The following GPC5 variants were observed in gnomAD, a reference collection of about 807,000 sequenced individuals.
The protein encoded by GPC5 is glypican 5.
GPC5 carries 47 observed loss-of-function variants against 53.9 expected under a neutral mutation model. The observed-to-expected ratio is 0.87, with a 90% CI of 0.69 to 1.11. The LOEUF is 1.11. Ranked by LOEUF, GPC5 falls within the 50% of genes most tolerant of loss-of-function variation. The pLI, the probability that GPC5 is intolerant of heterozygous loss-of-function variation, is 0.00. For missense variants in GPC5, 748 were observed against 713.1 expected (o/e 1.05, Z -0.56); for synonymous variants, 286 against 263.3 (o/e 1.09, Z -0.84).
chr13:92,725,495 T>C (rs1321810920), intron 7 of GPC5, among the ~76,000 whole-genome samples: 2 of 151,580 alleles, frequency 1.3e-5, no homozygotes, highest in Non-Finnish European at 3.0e-5. Flanking sequence ...AATCAGTTTA[T>C]GAGTATGTAA....
At chr13:92,667,044 A>G (rs1886596402) in intron 7 of GPC5, among the ~76,000 whole-genome samples, 1 of 152,186 alleles carries the variant, frequency 6.6e-6, no homozygotes, top group Non-Finnish European at 1.5e-5. Flanking sequence ...TCAATAGATG[A>G]GGGTATACAT....
At chr13:92,598,531 C>A (rs1410306264) in intron 7 of GPC5, among the ~76,000 whole-genome samples, 2 of 152,092 alleles carry the variant, frequency 1.3e-5, no homozygotes, top group South Asian at 4.2e-4. Flanking sequence ...CTTATTTAAC[C>A]CTTTTTATTC....
At chr13:91,717,765 C>T (rs2036372112) in intron 3 of GPC5, among the ~76,000 whole-genome samples, 1 of 151,868 alleles carries the variant, frequency 6.6e-6, no homozygotes. Flanking sequence ...CCATATTGGC[C>T]AGGCTGGTCT....
In GPC5 at chr13:92,024,143, ATTTCAGAAAGAGGGCTATGC is replaced by A. The variant is rs1241436406; in HGVS notation, c.1401+116091_1401+116110del. On this transcript the variant is annotated intron_variant, in intron 6 of 7. Transcript: ENST00000377067. ...TAATATATTAATGAATCAATATTTA[ATTTCAGAAAGAGGGCTATGC>A]TTTCTTCTTTGATTTGGTTGCACAG... Among the ~76,000 whole-genome samples the A allele has an allele frequency of 8.5e-5, 13 of 152,270 alleles. No homozygotes were observed. In the South Asian group the frequency reaches 2.7e-3, roughly 32 times the overall value.
intron 1 of GPC5, among the ~76,000 whole-genome samples, chr13:91,402,719 C>T (rs779524572): frequency 8.6e-5 from 13 of 152,036 alleles, no homozygotes; most frequent in Admixed American, 1.3e-4. Context: ...TTTTTGTTTA[C>T]TGTCTTGATT....
At chr13:92,462,753 G>C in intron 7 of GPC5, among the ~76,000 whole-genome samples, 1 of 135,066 alleles carries the variant, frequency 7.4e-6, no homozygotes, top group African/African-American at 2.8e-5. Context: ...TTTTTCTCTT[G>C]CTGCCCAGGC....
At chr13:92,753,633 A>C (rs528944805) in intron 7 of GPC5, among the ~76,000 whole-genome samples, 9 of 152,304 alleles carry the variant, frequency 5.9e-5, no homozygotes, top group Admixed American at 3.3e-4. Flanking sequence ...AGAAGTGCTT[A>C]AAGGAGCTGA....
chr13:92,313,521 T>C (rs1174784138), intron 7 of GPC5, among the ~76,000 whole-genome samples: 1 of 152,222 alleles, frequency 6.6e-6, no homozygotes, highest in Admixed American at 6.5e-5. Flanking sequence ...ATCCAAAATC[T>C]ACTGTTTCCA....
At chr13:91,996,588 T>G (rs1330471) in intron 6 of GPC5, 1 of 152,142 alleles carries the variant, frequency 6.6e-6, no homozygotes, top group African/African-American at 2.4e-5. Flanking sequence ...AAATTAATTG[T>G]CACAAAATAT....
At chr13:92,650,324 T>C (rs186879617) in intron 7 of GPC5, among the ~76,000 whole-genome samples, 1 of 152,210 alleles carries the variant, frequency 6.6e-6, no homozygotes, top group East Asian at 1.9e-4. Context: ...TATAATCATA[T>C]AAGGAAAGTC....
chr13:92,172,981 G>A (rs950967645), intron 7 of GPC5, among the ~76,000 whole-genome samples: 6 of 147,056 alleles, frequency 4.1e-5, no homozygotes, highest in African/African-American at 7.7e-5. Context: ...TATAAGAAAC[G>A]TTGCAACAGT....
At chr13:92,586,924 T>C (rs1883553384) in intron 7 of GPC5, among the ~76,000 whole-genome samples, 1 of 150,716 alleles carries the variant, frequency 6.6e-6, no homozygotes, top group Non-Finnish European at 1.5e-5. Flanking sequence ...AGTACACTTG[T>C]ATATATGTCT....
chr13:91,668,946 T>C (rs937155535), intron 2 of GPC5, among the ~76,000 whole-genome samples: 1 of 152,168 alleles, frequency 6.6e-6, no homozygotes, highest in Non-Finnish European at 1.5e-5. Context: ...CAGGGTAAAA[T>C]AGCACACGTT....
At chr13:92,516,729 T>C (rs634099) in intron 7 of GPC5, among the ~76,000 whole-genome samples, 45,721 of 152,026 alleles carry the variant, frequency 0.3, 8,123 homozygotes, top group East Asian at 0.64. Flanking sequence ...GAACAGATTA[T>C]TGAGTCTGCA....
rs553364292 is a variant in GPC5, at chr13:91,686,381, G to A, written c.326-6806G>A. Among the ~76,000 whole-genome samples, 11 of 152,082 alleles carry A rather than the reference G, an allele frequency of 7.2e-5. No homozygotes were observed. The South Asian group carries it at 2.3e-3, about 32-fold the overall frequency. ...AATTAACAAAAGGCTAATTCTTGAT[G>A]ATACAGATTAATATCCCACTCACTA... On this transcript the variant is annotated intron_variant, in intron 2 of 7. Transcript: ENST00000377067.
At chr13:92,742,945 C>G (rs948194750) in intron 7 of GPC5, among the ~76,000 whole-genome samples, 6 of 152,080 alleles carry the variant, frequency 3.9e-5, no homozygotes, top group Admixed American at 1.3e-4. Flanking sequence ...ATCTATATCT[C>G]TGTTTTGGTA....
chr13:92,589,447 C>A (rs143991318), intron 7 of GPC5, among the ~76,000 whole-genome samples: 241 of 152,220 alleles, frequency 1.6e-3, no homozygotes, highest in African/African-American at 5.7e-3. Flanking sequence ...CAGCTTTATT[C>A]CCCAAAATTG....
intron 7 of GPC5, among the ~76,000 whole-genome samples, chr13:92,542,151 C>T (rs1273380871): frequency 6.6e-6 from 1 of 151,866 alleles, no homozygotes; most frequent in Non-Finnish European, 1.5e-5. Context: ...TTAGCATATC[C>T]ATCACCTCAT....
intron 7 of GPC5, among the ~76,000 whole-genome samples, chr13:92,533,513 T>C (rs924504602): frequency 6.6e-6 from 1 of 152,154 alleles, no homozygotes; most frequent in African/African-American, 2.4e-5. Flanking sequence ...CCGTATAATA[T>C]AGCTTTGGAT....
Sources: gnomAD v4.1 joint callset for allele counts (sites outside exome capture counted in the v4.1 genomes callset) on GRCh38, gnomAD v4.1.1 for gene constraint, MANE v1.5 for transcripts, NCBI Gene and HGNC (gene_info 2026-07-23, HGNC 2026-07-21) for gene names.